Variants in COG6 observed in about 807,000 individuals in gnomAD.
The protein encoded by COG6 is component of oligomeric golgi complex 6.
In COG6, 74 loss-of-function variants were observed where a neutral mutation model predicts 88.8. The ratio of observed to expected loss-of-function variants is 0.83; its 90% CI spans 0.69 to 1.01. The LOEUF (loss-of-function observed/expected upper bound fraction) is 1.01. Ranked by LOEUF, COG6 falls within the 50% of genes least tolerant of loss-of-function variation. The pLI is 0.00. For missense variants in COG6, 800 were observed against 797.9 expected, an observed-to-expected ratio of 1.00 and a Z score of -0.03; for synonymous variants, 286 against 278.7, an observed-to-expected ratio of 1.03 and a Z score of -0.26.
intron 4 of COG6, among the ~76,000 whole-genome samples, chr13:39,676,643 G>C (rs929835254): frequency 3.3e-5 from 5 of 152,184 alleles, no homozygotes; most frequent in African/African-American, 1.2e-4. Flanking sequence ...TAGTGTTTAT[G>C]TTTATCTTTG....
intron 13 of COG6, among the ~76,000 whole-genome samples, chr13:39,716,952 A>G (rs1010453427): frequency 2.0e-5 from 3 of 152,100 alleles, no homozygotes; most frequent in Admixed American, 6.5e-5. Context: ...CCAGTGCTCT[A>G]TTTCTTTATG....
intron 18 of COG6, among the ~76,000 whole-genome samples, chr13:39,743,394 A>G (rs1880157576): frequency 6.6e-6 from 1 of 152,204 alleles, no homozygotes; most frequent in South Asian, 2.1e-4. Flanking sequence ...AGAATCAAAT[A>G]GATGCAATAA....
Position 39,752,349 on chromosome 13 carries a change from A to G in COG6, c.*1256A>G, listed in dbSNP as rs1326920305. On this transcript the variant is annotated 3_prime_UTR_variant, in exon 19 of 19. Transcript: ENST00000455146. ...AATATGACCTATTTATCTGAAGTTTATAATTGTTTATACCTAATACAGTTC... is the reference window on the plus strand; with the variant it reads ...AATATGACCTATTTATCTGAAGTTTGTAATTGTTTATACCTAATACAGTTC... 3.5e-6 allele frequency: 3 copies of G among 867,262 alleles called. No homozygotes were observed. The highest frequency in any genetic ancestry group is 1.3e-4 in the East Asian group (2 of 15,924). 53.7% of individuals were successfully genotyped at this position (867,262 alleles called of 1,614,324 possible).
intron 13 of COG6, among the ~76,000 whole-genome samples, chr13:39,716,283 G>GATATTAGT (rs1325002723): frequency 6.6e-6 from 1 of 151,924 alleles, no homozygotes; most frequent in African/African-American, 2.4e-5. Flanking sequence ...TGTTTTGTCT[G>GATATTAGT]ATATTAGTAT....
rs147096693 is a variant in COG6 at position 39,759,441 on chromosome 13, A to G, written c.1827-28894A>G. On this transcript the variant is annotated intron_variant, in intron 18 of 18. Transcript: ENST00000416691. ...ATACACTATGGACTTTAAAATAAAT[A>G]TGTAAGTAAAATGCAGAGTCATATA... Among the ~76,000 whole-genome samples, 211 of 152,286 alleles carry G rather than the reference A, an allele frequency of 1.4e-3. 2 individuals carry two copies. The highest frequency in any genetic ancestry group is 4.8e-3 in the African/African-American group (201 of 41,564).
At chr13:39,668,833 G>A (rs971479399) in intron 4 of COG6, among the ~76,000 whole-genome samples, 1 of 151,572 alleles carries the variant, frequency 6.6e-6, no homozygotes, top group Non-Finnish European at 1.5e-5. Flanking sequence ...AGAGATCCAA[G>A]GTAGCCTTTA....
rs563002253 is a variant in COG6, at chr13:39,682,093, T to G, written c.695-78T>G. ...TTTATGGGGTGTTTGCCATAGAATT[T>G]AGACTCCTGGAATGCAACAGACATA... On this transcript the variant is annotated intron_variant, in intron 7 of 18. Coordinates refer to ENST00000455146, the MANE Select transcript of COG6 (RefSeq NM_020751.3). 4.8e-5 allele frequency: 48 copies of G among 999,522 alleles called. No individual in the cohort carries two copies. In the African/African-American group the frequency reaches 6.6e-4, roughly 14 times the overall value. 61.9% of individuals were successfully genotyped at this position (999,522 alleles called of 1,614,324 possible). A position where few individuals can be genotyped will look rare whatever the true frequency, so the allele number is the denominator to read the frequency against.
downstream of COG6, among the ~76,000 whole-genome samples, chr13:39,753,642 CTCTT>C (rs1880738794): frequency 6.6e-6 from 1 of 152,086 alleles, no homozygotes; most frequent in Non-Finnish European, 1.5e-5. Context: ...GATGTTATCT[CTCTT>C]TCTATGACAG....
At chr13:39,698,711 A>T (rs1172950879) in intron 12 of COG6, among the ~76,000 whole-genome samples, 1 of 151,880 alleles carries the variant, frequency 6.6e-6, no homozygotes, top group African/African-American at 2.4e-5. Flanking sequence ...AGATGTTGTT[A>T]TGCCTTTAGA....
In COG6 at chr13:39,709,660, GTA is replaced by G. The variant is rs1158089283; in HGVS notation, c.1285-9568_1285-9567del. Among the ~76,000 whole-genome samples the G allele has an allele frequency of 5.3e-5, 8 of 152,128 alleles. No homozygotes were observed. The East Asian group carries it at 7.7e-4, about 15-fold the overall frequency. ...AGTATTCCATGGTGTGAGTGTATGT[GTA>G]TATATATGTGTGTGTGTATATGTGT... is the stretch of plus-strand genomic sequence containing the variant. On this transcript the variant is annotated intron_variant, in intron 13 of 18. Transcript: ENST00000455146.
chr13:39,656,414 T>C (rs1874505296), intron 1 of COG6: 1 of 335,330 alleles, frequency 3.0e-6, no homozygotes, highest in Non-Finnish European at 5.9e-6. Context: ...AACTCATATC[T>C]ACTAGTTTTT....
intron 13 of COG6, among the ~76,000 whole-genome samples, chr13:39,718,437 T>C (rs1199653723): frequency 6.6e-6 from 1 of 152,152 alleles, no homozygotes; most frequent in African/African-American, 2.4e-5. Context: ...GAAAATATTT[T>C]TAAAGAAATT....
intron 18 of COG6, among the ~76,000 whole-genome samples, chr13:39,761,192 G>A (rs972476539): frequency 6.6e-6 from 1 of 151,854 alleles, no homozygotes; most frequent in African/African-American, 2.4e-5. Context: ...CAAAAACACT[G>A]TAATTTTCTT....
intron 12 of COG6, among the ~76,000 whole-genome samples, chr13:39,699,060 G>T (rs1877428458): frequency 6.6e-6 from 1 of 151,740 alleles, no homozygotes; most frequent in Admixed American, 6.6e-5. Flanking sequence ...TATTGATATA[G>T]TATAACAGTT....
intron 18 of COG6, among the ~76,000 whole-genome samples, chr13:39,781,546 C>T (rs1472457654): frequency 6.6e-6 from 1 of 151,274 alleles, no homozygotes; most frequent in East Asian, 1.9e-4. Flanking sequence ...TTTTGACTCA[C>T]AGCTTGACAC....
At chr13:39,729,985 AT>A (rs1257677898) in intron 18 of COG6, among the ~76,000 whole-genome samples, 1 of 152,212 alleles carries the variant, frequency 6.6e-6, no homozygotes, top group Admixed American at 6.5e-5. Flanking sequence ...AGCTTAAATC[AT>A]TTTTGAAATT....
chr13:39,682,075 G>T, intron 7 of COG6, 96 bp from the exon 8 acceptor site: 1 of 807,976 alleles, frequency 1.2e-6, no homozygotes, highest in Non-Finnish European at 2.1e-6. Flanking sequence ...TTTTTTATGG[G>T]GTGTTTGCCA....
Position 39,719,265 on chromosome 13 carries a change from A to G in COG6, c.1314A>G (p.Pro438=). 1 of 1,612,774 alleles carries G rather than the reference A, an allele frequency of 6.2e-7. No homozygotes were observed. The highest frequency in any genetic ancestry group is 8.5e-7 in the Non-Finnish European group (1 of 1,179,110). Reference sequence around the variant, plus strand: ...AACTCCCACCACCTGATCTTGGACCAAGTTCTGCACTAAATCAGACACTCA... The same window carrying G: ...AACTCCCACCACCTGATCTTGGACCGAGTTCTGCACTAAATCAGACACTCA... The part of the protein sequence containing the change: ...KVELPPPDLG[P]SSALNQTLML... Residue 438 remains proline (P), a synonymous_variant, in exon 14 of 19, where the codon CCA becomes CCG. Coordinates refer to ENST00000455146, the MANE Select transcript of COG6 (RefSeq NM_020751.3).
intron 18 of COG6, among the ~76,000 whole-genome samples, chr13:39,787,260 C>T (rs757163220): frequency 6.6e-5 from 10 of 152,122 alleles, no homozygotes; most frequent in Non-Finnish European, 1.5e-4. Context: ...TGTTCTTGCA[C>T]TGCCTGCCAA....
Sources: allele counts gnomAD v4.1 joint callset (sites outside exome capture counted in the v4.1 genomes callset), GRCh38; gene constraint gnomAD v4.1.1; transcripts MANE v1.5; gene names NCBI Gene and HGNC (gene_info 2026-07-23, HGNC 2026-07-21).